Variants in RBM46 observed in about 807,000 individuals in gnomAD.
The protein encoded by RBM46 is probable RNA-binding protein 46.
A neutral mutation model predicts 43.3 loss-of-function variants in RBM46; 12 were observed. The observed-to-expected ratio is 0.28, with a 90% CI of 0.18 to 0.45. The LOEUF is 0.45. RBM46 is among the 20% of genes least tolerant of loss of function. The probability of loss-of-function intolerance (pLI) is 1.00; values close to 1 mark genes in which losing one functional copy is unlikely to be tolerated. For synonymous variants in RBM46, 205 were observed against 207.6 expected, an observed-to-expected ratio of 0.99 and a Z score of 0.11; for missense variants, 412 against 639.1, an observed-to-expected ratio of 0.64 and a Z score of 3.83.
intron 1 of RBM46, among the ~76,000 whole-genome samples, chr4:154,787,518 C>G (rs1733840618): frequency 1.3e-5 from 2 of 151,900 alleles, no homozygotes; most frequent in African/African-American, 2.4e-5. Context: ...TGAACTCACC[C>G]TTTTTTATGG....
chr4:154,820,250 T>A, intron 4 of RBM46: 2 of 541,976 alleles, frequency 3.7e-6, no homozygotes, highest in Non-Finnish European at 3.0e-6. Context: ...TTTGTTTTTT[T>A]ATTTACTGAT....
At chr4:154,789,790 A>G (rs1003381897) in intron 1 of RBM46, among the ~76,000 whole-genome samples, 1 of 152,122 alleles carries the variant, frequency 6.6e-6, no homozygotes, top group South Asian at 2.1e-4. Context: ...TTTGGCTTTG[A>G]ATCCATCTGG....
chr4:154,786,165 C>T (rs570857596), intron 1 of RBM46, among the ~76,000 whole-genome samples: 1 of 152,340 alleles, frequency 6.6e-6, no homozygotes, highest in African/African-American at 2.4e-5. Context: ...CAGCTCACTG[C>T]AACCTCCACC....
intron 4 of RBM46, among the ~76,000 whole-genome samples, chr4:154,823,591 A>G (rs1735820801): frequency 6.6e-6 from 1 of 151,982 alleles, no homozygotes; most frequent in South Asian, 2.1e-4. Context: ...AAGACAGAAA[A>G]GCAGCTAAGA....
chr4:154,788,134 G>A (rs1733878651), intron 1 of RBM46, among the ~76,000 whole-genome samples: 1 of 152,102 alleles, frequency 6.6e-6, no homozygotes, highest in Non-Finnish European at 1.5e-5. Flanking sequence ...CATTCTGTAG[G>A]TTGCCTGTTC....
rs1015227360 is a variant in RBM46 at position 154,794,800 on chromosome 4, A to C, written c.-11-1942A>C. 5.9e-5 allele frequency among the ~76,000 whole-genome samples: 9 copies of C among 152,032 alleles called. 1 individual carries two copies. Among genetic ancestry groups the C allele is most frequent in the African/African-American group, 2.2e-4 (9 of 41,380 alleles). ...CACTAGCTTTCCTGTTTAAATTGGC[A>C]GGTTCTCTTCCCTTGTCAACCTTCC... On this transcript the variant is annotated intron_variant, in intron 1 of 4. Coordinates refer to ENST00000281722, the MANE Select transcript of RBM46 (RefSeq NM_144979.5).
intron 1 of RBM46, among the ~76,000 whole-genome samples, chr4:154,785,122 A>G (rs1385628419): frequency 1.3e-5 from 2 of 151,384 alleles, no homozygotes; most frequent in African/African-American, 4.9e-5. Flanking sequence ...AGGATTGGTG[A>G]CTCTTCAGTG....
At chr4:154,800,353 C>T (rs939481693) in intron 4 of RBM46, among the ~76,000 whole-genome samples, 1 of 152,102 alleles carries the variant, frequency 6.6e-6, no homozygotes, top group Admixed American at 6.5e-5. Context: ...GCTTTATGCT[C>T]ACCAATCTGG....
chr4:154,788,778 A>G (rs1033416269), intron 1 of RBM46, among the ~76,000 whole-genome samples: 4 of 152,106 alleles, frequency 2.6e-5, no homozygotes, highest in African/African-American at 9.7e-5. Flanking sequence ...CTTTGGCAGT[A>G]TGGTCATTTT....
At chr4:154,794,682 G>T (rs888160536) in intron 1 of RBM46, among the ~76,000 whole-genome samples, 1 of 152,106 alleles carries the variant, frequency 6.6e-6, no homozygotes, top group East Asian at 1.9e-4. Context: ...CTTTGTCTTG[G>T]TTTCTCCATT....
intron 4 of RBM46, among the ~76,000 whole-genome samples, chr4:154,821,880 A>G (rs156568): frequency 0.032 from 4,915 of 151,890 alleles, 281 homozygotes; most frequent in African/African-American, 0.11. Flanking sequence ...TGGGAAAATC[A>G]TAGTGCATAC....
At chr4:154,785,338 T>C (rs1048036023) in intron 1 of RBM46, among the ~76,000 whole-genome samples, 2 of 151,830 alleles carry the variant, frequency 1.3e-5, no homozygotes, top group African/African-American at 4.8e-5. Context: ...AAAAAATAGG[T>C]CTGTAAGGTA....
rs559866334 is a variant in RBM46 at position 154,796,785 on chromosome 4, A to T, written c.33A>T (p.Gly11=). 4 of 1,612,728 alleles carry T rather than the reference A, an allele frequency of 2.5e-6. No homozygotes were observed. Among genetic ancestry groups the T allele is most frequent in the Admixed American group, 3.3e-5 (2 of 59,812 alleles). MNEENIDGTN[G]CSKVRTGIQN... ...AAGAAAATATAGATGGAACAAATGG[A>T]TGCAGTAAAGTTCGAACTGGTATTC... The change falls in exon 2 of 5, where the codon GGA becomes GGT. Residue 11 remains glycine (G), a synonymous_variant. Coordinates refer to ENST00000281722, the MANE Select transcript of RBM46 (RefSeq NM_144979.5).
rs540923926 is a variant in RBM46 at position 154,820,772 on chromosome 4, A to G, written c.1403-7096A>G. ...TACGACTCTCTTGTTTTTCAACCTT[A>G]AACCCAAGTCTTATTGAAACAATTT... is the stretch of plus-strand genomic sequence containing the variant. On this transcript the variant is annotated intron_variant, in intron 4 of 4. Transcript: ENST00000281722. Among the ~76,000 whole-genome samples the G allele has an allele frequency of 1.1e-4, 16 of 152,002 alleles. No individual in the cohort carries two copies. The East Asian group carries it at 3.1e-3, about 29-fold the overall frequency.
At chr4:154,827,776 AAAATGTGATTATTGTTTAATGCTTTGTC>A (rs1448300546) in intron 4 of RBM46, 64 bp from the exon 5 acceptor site, 32 of 1,578,786 alleles carry the variant, frequency 2.0e-5, no homozygotes, top group Non-Finnish European at 2.7e-5. Flanking sequence ...ACATTATGTT[AAAATGTGATTATTGTTTAATGCTTTGTC>A]TCTTTAAATT....
intron 4 of RBM46, among the ~76,000 whole-genome samples, chr4:154,823,242 G>C (rs758608436): frequency 1.1e-4 from 17 of 151,940 alleles, no homozygotes; most frequent in Admixed American, 3.9e-4. Flanking sequence ...AGTAGTTGCT[G>C]GGGCTGAGAG....
At chr4:154,789,468 G>A (rs1246650464) in intron 1 of RBM46, among the ~76,000 whole-genome samples, 2 of 152,126 alleles carry the variant, frequency 1.3e-5, no homozygotes, top group African/African-American at 4.8e-5. Flanking sequence ...TTATATGATG[G>A]GTTACGTTTA....
intron 4 of RBM46, among the ~76,000 whole-genome samples, chr4:154,811,560 AAAT>A (rs755612360): frequency 3.9e-5 from 6 of 152,150 alleles, no homozygotes; most frequent in Non-Finnish European, 8.8e-5. Flanking sequence ...TAAATATTAG[AAAT>A]AATAATAGTT....
chr4:154,820,641 T>A (rs1272974776), intron 4 of RBM46, among the ~76,000 whole-genome samples: 2 of 151,924 alleles, frequency 1.3e-5, no homozygotes, highest in East Asian at 3.8e-4. Flanking sequence ...AACATGCTAG[T>A]ATACCTTGAA....
Sources: gnomAD v4.1 joint callset for allele counts (sites outside exome capture counted in the v4.1 genomes callset) on GRCh38, gnomAD v4.1.1 for gene constraint, MANE v1.5 for transcripts, NCBI Gene and HGNC (gene_info 2026-07-23, HGNC 2026-07-21) for gene names.